The following BUB1B variants were observed in gnomAD, a reference collection of about 807,000 sequenced individuals.
BUB1B encodes the protein mitotic checkpoint serine/threonine-protein kinase BUB1 beta.
BUB1B carries 86 observed loss-of-function variants against 137.7 expected under a neutral mutation model. That is an observed-to-expected ratio of 0.62 (90% CI 0.52 to 0.75). The LOEUF (loss-of-function observed/expected upper bound fraction) is 0.75, where lower values mean the gene tolerates loss of function less well. Among genes scored for constraint, BUB1B ranks in the 30% least tolerant of loss-of-function variants. The pLI is 0.00. For missense variants in BUB1B, 1,130 were observed against 1,236.9 expected (o/e 0.91, Z 1.30); for synonymous variants, 420 against 417.9 (o/e 1.00, Z -0.06).
At position 40,202,481 on chromosome 15, in the gene BUB1B, G is replaced by GT. The variant is rs748561005; in HGVS notation, c.1628+23dup. On this transcript the variant is annotated intron_variant, in intron 13 of 22. Coordinates refer to ENST00000287598, the MANE Select transcript of BUB1B (RefSeq NM_001211.6). ...AGAATAAAAGGTACGTTGTTTTTTT[G>GT]TTTTTTTGGTTTTTTTTTACTTAAG... 9.9e-5 allele frequency: 159 copies of GT among 1,602,374 alleles called. No homozygotes were observed. The highest frequency in any genetic ancestry group is 3.8e-4 in the African/African-American group (28 of 73,720).
At chr15:40,162,124 A>C (rs1027826534) in intron 1 of BUB1B, among the ~76,000 whole-genome samples, 1 of 152,192 alleles carries the variant, frequency 6.6e-6, no homozygotes, top group Non-Finnish European at 1.5e-5. Flanking sequence ...ATTTAACTTG[A>C]ACACTGGAGT....
At chr15:40,191,303 G>T (rs899453278) in intron 8 of BUB1B, among the ~76,000 whole-genome samples, 2 of 152,068 alleles carry the variant, frequency 1.3e-5, no homozygotes, top group African/African-American at 4.8e-5. Flanking sequence ...CATGAGTAAG[G>T]GGAAACTACT....
In BUB1B at chr15:40,221,005, A is replaced by G; in HGVS notation, c.*246A>G. On this transcript the variant is annotated 3_prime_UTR_variant, in exon 23 of 23. Coordinates refer to ENST00000287598, the MANE Select transcript of BUB1B (RefSeq NM_001211.6). ...CTAAACAGACTCATTACAAATGGTT[A>G]CCTTGTTATTTAACCCATTTGTCTC... The G allele has an allele frequency of 1.9e-6, 1 of 527,534 alleles. No individual in the cohort carries two copies. Among genetic ancestry groups the G allele is most frequent in the Non-Finnish European group, 3.4e-6 (1 of 294,538 alleles). 32.7% of individuals were successfully genotyped at this position (527,534 alleles called of 1,614,324 possible). A position where few individuals can be genotyped will look rare whatever the true frequency, so the allele number is the denominator to read the frequency against.
chr15:40,214,612 A>G (rs1348696006), intron 20 of BUB1B, among the ~76,000 whole-genome samples: 2 of 152,172 alleles, frequency 1.3e-5, no homozygotes, highest in Non-Finnish European at 1.5e-5. Flanking sequence ...TAGACTCTAA[A>G]TTATAGTTAA....
Position 40,188,867 on chromosome 15 carries a change from C to T in BUB1B, c.1058+3225C>T, listed in dbSNP as rs140687941. Reference sequence around the variant, plus strand: ...AAGTGCCGGGATTACAGGCATGAGCCACTGCACTCAGCCTTTTAAAGCTTT... The same window carrying T: ...AAGTGCCGGGATTACAGGCATGAGCTACTGCACTCAGCCTTTTAAAGCTTT... On this transcript the variant is annotated intron_variant, in intron 8 of 22. Coordinates refer to ENST00000287598, the MANE Select transcript of BUB1B (RefSeq NM_001211.6). Among the ~76,000 whole-genome samples, 661 of 152,256 alleles carry T rather than the reference C, an allele frequency of 4.3e-3. 9 individuals carry two copies. The highest frequency in any genetic ancestry group is 0.015 in the African/African-American group (624 of 41,548).
chr15:40,189,141 G>T (rs554694816), intron 8 of BUB1B, among the ~76,000 whole-genome samples: 1 of 151,942 alleles, frequency 6.6e-6, no homozygotes, highest in South Asian at 2.1e-4. Context: ...ATAATATGTG[G>T]TCTTTGTTTT....
chr15:40,179,986 A>C lies in BUB1B; in HGVS notation c.581+3313A>C, dbSNP rs560699556. ...AAAAGCCATATATATATATATATAT[A>C]TATCTCTTAAATAACTTAGGAAAAT... On this transcript the variant is annotated intron_variant, in intron 5 of 22. Coordinates refer to ENST00000287598, the MANE Select transcript of BUB1B (RefSeq NM_001211.6). 4.7e-3 allele frequency among the ~76,000 whole-genome samples: 693 copies of C among 148,504 alleles called. 7 individuals carry two copies. Among genetic ancestry groups the C allele is most frequent in the African/African-American group, 0.016 (645 of 39,438 alleles).
chr15:40,165,927 A>C (rs1030866177), intron 2 of BUB1B, among the ~76,000 whole-genome samples: 1 of 150,382 alleles, frequency 6.6e-6, no homozygotes, highest in South Asian at 2.1e-4. Flanking sequence ...ATTTCAGCTC[A>C]CTGCAACCTC....
chr15:40,213,574 C>T (rs748286480), intron 20 of BUB1B, 100 bp downstream of exon 20: 3 of 1,340,642 alleles, frequency 2.2e-6, no homozygotes, highest in Non-Finnish European at 3.2e-6. Context: ...CTCACTCTGT[C>T]ACCTAGGTTG....
intron 8 of BUB1B, among the ~76,000 whole-genome samples, chr15:40,188,604 A>G (rs1388265195): frequency 7.4e-6 from 1 of 135,950 alleles, no homozygotes; most frequent in East Asian, 2.1e-4. Context: ...TTTTTTCGAG[A>G]CAGAGTCTTG....
chr15:40,214,760 C>G (rs2037753771), intron 20 of BUB1B, among the ~76,000 whole-genome samples: 1 of 152,138 alleles, frequency 6.6e-6, no homozygotes, highest in African/African-American at 2.4e-5. Flanking sequence ...TCCAGGGCAC[C>G]ATAGGTATTT....
intron 8 of BUB1B, among the ~76,000 whole-genome samples, chr15:40,188,195 G>A (rs548535796): frequency 9.2e-5 from 14 of 151,938 alleles, no homozygotes; most frequent in Admixed American, 3.9e-4. Context: ...TTACAGGTTC[G>A]GGCCACCACG....
intron 4 of BUB1B, among the ~76,000 whole-genome samples, chr15:40,173,308 A>G (rs2037187252): frequency 1.3e-5 from 2 of 151,114 alleles, no homozygotes; most frequent in African/African-American, 2.4e-5. Flanking sequence ...AAAAAAAAAA[A>G]AAAAAAAAAG....
intron 4 of BUB1B, among the ~76,000 whole-genome samples, chr15:40,171,530 G>A (rs1476492669): frequency 6.6e-6 from 1 of 152,172 alleles, no homozygotes; most frequent in African/African-American, 2.4e-5. Context: ...CCAAGTGACA[G>A]AGCAAGATCC....
chr15:40,186,817 C>T (rs2037371199), intron 8 of BUB1B: 1 of 152,030 alleles, frequency 6.6e-6, no homozygotes, highest in Non-Finnish European at 1.5e-5. Flanking sequence ...ACTCCCACTA[C>T]ATGCTAGGAA....
intron 14 of BUB1B, among the ~76,000 whole-genome samples, chr15:40,203,285 G>A (rs555594882): frequency 4.3e-4 from 66 of 152,290 alleles, no homozygotes; most frequent in Middle Eastern, 3.4e-3. Flanking sequence ...TATGTCAAGT[G>A]AATGAAGCCA....
intron 19 of BUB1B, 105 bp from the exon 20 acceptor site, chr15:40,213,227 G>A: frequency 1.6e-6 from 2 of 1,274,322 alleles, no homozygotes; most frequent in South Asian, 2.4e-5. Flanking sequence ...CTACGTTCCA[G>A]TAGAGAACAA....
At chr15:40,216,906 T>A in intron 20 of BUB1B, among the ~76,000 whole-genome samples, 1 of 152,216 alleles carries the variant, frequency 6.6e-6, no homozygotes, top group Middle Eastern at 3.4e-3. Context: ...GATAATTAAT[T>A]AGTATTATAA....
At chr15:40,191,785 G>T (rs2037441576) in intron 8 of BUB1B, among the ~76,000 whole-genome samples, 2 of 152,152 alleles carry the variant, frequency 1.3e-5, no homozygotes, top group South Asian at 4.1e-4. Flanking sequence ...TGACCAAAAT[G>T]TATGAATTTA....
Sources: gnomAD v4.1 joint callset for allele counts (sites outside exome capture counted in the v4.1 genomes callset) on GRCh38, gnomAD v4.1.1 for gene constraint, MANE v1.5 for transcripts, NCBI Gene and HGNC (gene_info 2026-07-23, HGNC 2026-07-21) for gene names.